The following SEMA5A variants were observed in gnomAD, a reference collection of about 807,000 sequenced individuals.
The protein encoded by SEMA5A is semaphorin 5A.
In SEMA5A, 55 loss-of-function variants were observed where a neutral mutation model predicts 135.5. The observed-to-expected ratio is 0.41, with a 90% CI of 0.33 to 0.51. The LOEUF (loss-of-function observed/expected upper bound fraction) is 0.51, where lower values mean the gene tolerates loss of function less well. SEMA5A is among the 20% of genes least tolerant of loss of function. The pLI, the probability that SEMA5A is intolerant of heterozygous loss-of-function variation, is 0.37. For synonymous variants in SEMA5A, 580 were observed against 546.5 expected (o/e 1.06, Z -0.85); for missense variants, 1,290 against 1,419.9 (o/e 0.91, Z 1.47).
chr5:9,493,119 T>C (rs529748896), intron 1 of SEMA5A, among the ~76,000 whole-genome samples: 1 of 151,784 alleles, frequency 6.6e-6, no homozygotes, highest in East Asian at 1.9e-4. Flanking sequence ...AAGAGGGAGG[T>C]GGGATAGGAG....
At chr5:9,398,139 T>A (rs1486163029) in intron 2 of SEMA5A, among the ~76,000 whole-genome samples, 2 of 152,192 alleles carry the variant, frequency 1.3e-5, no homozygotes, top group Admixed American at 1.3e-4. Flanking sequence ...TTAAATTAGA[T>A]TTTTTACATA....
intron 5 of SEMA5A, among the ~76,000 whole-genome samples, chr5:9,274,307 A>G (rs1750142101): frequency 6.6e-6 from 1 of 152,196 alleles, no homozygotes; most frequent in Non-Finnish European, 1.5e-5. Context: ...ATATATATAC[A>G]TGCAATACAG....
At chr5:9,119,187 A>T (rs1242549460) in intron 14 of SEMA5A, 46 bp from the exon 15 acceptor site, 1 of 1,597,396 alleles carries the variant, frequency 6.3e-7, no homozygotes, top group East Asian at 2.3e-5. Flanking sequence ...GCAGGCTCAG[A>T]GTCCAAGCCC....
At chr5:9,224,170 T>C (rs1747162368) in intron 8 of SEMA5A, among the ~76,000 whole-genome samples, 1 of 152,216 alleles carries the variant, frequency 6.6e-6, no homozygotes, top group African/African-American at 2.4e-5. Flanking sequence ...GAATAAACCC[T>C]GAAGATGCCT....
intron 2 of SEMA5A, among the ~76,000 whole-genome samples, chr5:9,428,808 C>T (rs562839948): frequency 6.6e-6 from 1 of 152,284 alleles, no homozygotes; most frequent in East Asian, 1.9e-4. Flanking sequence ...TAGAGCAGTA[C>T]ATTTAATCAC....
At chr5:9,443,466 A>C (rs552435218) in intron 1 of SEMA5A, among the ~76,000 whole-genome samples, 1 of 152,358 alleles carries the variant, frequency 6.6e-6, no homozygotes, top group East Asian at 1.9e-4. Context: ...GATATAATCT[A>C]TCATTATAAA....
chr5:9,079,571 C>A (rs1455598131), intron 16 of SEMA5A, among the ~76,000 whole-genome samples: 1 of 151,900 alleles, frequency 6.6e-6, no homozygotes, highest in South Asian at 2.1e-4. Context: ...AGAGCTTCTG[C>A]ACAGCAAAAG....
At chr5:9,378,596 T>A (rs1236511424) in intron 3 of SEMA5A, among the ~76,000 whole-genome samples, 2 of 152,228 alleles carry the variant, frequency 1.3e-5, no homozygotes, top group Non-Finnish European at 1.5e-5. Context: ...CAGAATGCGA[T>A]GAGCAAACTC....
chr5:9,136,664 C>G, intron 12 of SEMA5A, 43 bp from the exon 13 acceptor site: 2 of 1,526,208 alleles, frequency 1.3e-6, no homozygotes, highest in Non-Finnish European at 1.8e-6. Flanking sequence ...GTCGCTTTAC[C>G]CATGATAAGA....
At chr5:9,303,520 T>C (rs891706727) in intron 5 of SEMA5A, among the ~76,000 whole-genome samples, 2 of 152,158 alleles carry the variant, frequency 1.3e-5, no homozygotes, top group Admixed American at 6.5e-5. Context: ...TTTACACACA[T>C]AGATACATGT....
At chr5:9,330,525 G>A (rs1468955896) in intron 4 of SEMA5A, among the ~76,000 whole-genome samples, 1 of 151,864 alleles carries the variant, frequency 6.6e-6, no homozygotes, top group Non-Finnish European at 1.5e-5. Context: ...CCACCAGTTT[G>A]TTAAAAGCAC....
At chr5:9,188,132 G>A (rs915640901) in intron 11 of SEMA5A, among the ~76,000 whole-genome samples, 1 of 152,084 alleles carries the variant, frequency 6.6e-6, no homozygotes, top group South Asian at 2.1e-4. Context: ...CCTTAGGAAC[G>A]GTATGAGTGT....
chr5:9,231,572 A>G (rs1390830391), intron 6 of SEMA5A, among the ~76,000 whole-genome samples: 1 of 151,918 alleles, frequency 6.6e-6, no homozygotes, highest in Admixed American at 6.6e-5. Flanking sequence ...ATTCTCTTGC[A>G]GATCCACTGG....
chr5:9,192,272 C>G (rs1444877205), intron 10 of SEMA5A, among the ~76,000 whole-genome samples: 1 of 152,272 alleles, frequency 6.6e-6, no homozygotes, highest in Non-Finnish European at 1.5e-5. Context: ...GTCTCTGTCT[C>G]TTTACCTGTC....
chr5:9,184,074 G>T (rs1412172160), intron 11 of SEMA5A, among the ~76,000 whole-genome samples: 3 of 151,894 alleles, frequency 2.0e-5, no homozygotes, highest in South Asian at 2.1e-4. Flanking sequence ...TTGTAAAAGA[G>T]ATTTTTGGTT....
chr5:9,409,313 A>T (rs1757017425), intron 2 of SEMA5A, among the ~76,000 whole-genome samples: 1 of 152,358 alleles, frequency 6.6e-6, no homozygotes, highest in Middle Eastern at 3.4e-3. Flanking sequence ...AATATCGCAC[A>T]GTGCAATTTG....
Position 9,036,270 on chromosome 5 carries a change from A to T in SEMA5A, c.*6627T>A, listed in dbSNP as rs969481457. On this transcript the variant is annotated 3_prime_UTR_variant, in exon 23 of 23. Transcript: ENST00000382496. ...GGCCAACAGTCATGGTAAAAGAGAA[A>T]AACAATCAACTTCAGCAGAGATAAT... The T allele has an allele frequency of 3.1e-4, 46 of 150,718 alleles. No homozygotes were observed. The highest frequency in any genetic ancestry group is 1.1e-3 in the African/African-American group (45 of 40,128). 9.3% of individuals were successfully genotyped at this position (150,718 alleles called of 1,614,324 possible).
chr5:9,037,988 A>G lies in SEMA5A; in HGVS notation c.*4909T>C, dbSNP rs1197045341. On this transcript the variant is annotated 3_prime_UTR_variant, in exon 23 of 23. Coordinates refer to ENST00000382496, the MANE Select transcript of SEMA5A (RefSeq NM_003966.3). The stretch of plus-strand genomic sequence containing the variant: ...TTCTCCCATTTCACCCACTGCCCAA[A>G]GAAGTAAGGGGCTCAAATGGCATCT... 1 of 152,192 alleles carries G rather than the reference A, an allele frequency of 6.6e-6. No homozygotes were observed. Among genetic ancestry groups the G allele is most frequent in the African/African-American group, 2.4e-5 (1 of 41,444 alleles). The allele number at this position is 152,192 out of a possible 1,614,324, so 9.4% of individuals were successfully genotyped here.
intron 5 of SEMA5A, among the ~76,000 whole-genome samples, chr5:9,310,096 G>A (rs1456764794): frequency 1.3e-5 from 2 of 152,064 alleles, no homozygotes; most frequent in African/African-American, 4.8e-5. Context: ...TATTCATTGA[G>A]AACTTGCCGA....
Sources: allele counts gnomAD v4.1 joint callset (sites outside exome capture counted in the v4.1 genomes callset), GRCh38; gene constraint gnomAD v4.1.1; transcripts MANE v1.5; gene names NCBI Gene and HGNC (gene_info 2026-07-23, HGNC 2026-07-21).